Variants in CDH13 observed in about 807,000 individuals in gnomAD.
CDH13 encodes cadherin 13, also known as cadherin-13.
A neutral mutation model predicts 63.8 loss-of-function variants in CDH13; 24 were observed. The observed-to-expected ratio is 0.38, with a 90% CI of 0.27 to 0.53. The LOEUF is 0.53. Among genes scored for constraint, CDH13 ranks in the 20% least tolerant of loss-of-function variants. The pLI, the probability that CDH13 is intolerant of heterozygous loss-of-function variation, is 0.85. For missense variants in CDH13, 1,049 were observed against 903.1 expected, an observed-to-expected ratio of 1.16 and a Z score of -2.07; for synonymous variants, 503 against 355.3, an observed-to-expected ratio of 1.42 and a Z score of -4.67.
At chr16:82,946,650 G>T (rs189529479) in intron 2 of CDH13, among the ~76,000 whole-genome samples, 1 of 152,066 alleles carries the variant, frequency 6.6e-6, no homozygotes, top group Non-Finnish European at 1.5e-5. Context: ...GAAACCAGGA[G>T]GTGGAGGTTG....
chr16:83,568,706 T>C (rs917896752), intron 7 of CDH13, among the ~76,000 whole-genome samples: 7 of 152,198 alleles, frequency 4.6e-5, no homozygotes, highest in Non-Finnish European at 1.0e-4. Context: ...TGCTAACATC[T>C]GCAACGTCTG....
chr16:82,648,444 G>C (rs1018646644), intron 1 of CDH13, among the ~76,000 whole-genome samples: 1 of 152,152 alleles, frequency 6.6e-6, no homozygotes, highest in African/African-American at 2.4e-5. Flanking sequence ...AAACAGGTTA[G>C]GCAGCTCAAT....
chr16:83,257,264 G>A (rs1414133128), intron 5 of CDH13, among the ~76,000 whole-genome samples: 1 of 152,148 alleles, frequency 6.6e-6, no homozygotes, highest in Non-Finnish European at 1.5e-5. Context: ...GCGACGGTGA[G>A]CTTGAAAGGT....
At chr16:83,397,985 G>A (rs1210098691) in intron 6 of CDH13, 1 of 135,706 alleles carries the variant, frequency 7.4e-6, no homozygotes, top group African/African-American at 2.8e-5. Context: ...CTATTTGCAG[G>A]TGCAGGGGAG....
At chr16:82,808,716 T>G (rs1043414980) in intron 1 of CDH13, among the ~76,000 whole-genome samples, 1 of 152,192 alleles carries the variant, frequency 6.6e-6, no homozygotes. Context: ...TTATACAAGA[T>G]AAAGATGTTT....
At chr16:83,458,056 G>T (rs938977011) in intron 6 of CDH13, among the ~76,000 whole-genome samples, 1 of 152,166 alleles carries the variant, frequency 6.6e-6, no homozygotes, top group East Asian at 1.9e-4. Flanking sequence ...TGCACCAGAG[G>T]TAGGAACTCA....
Position 83,588,402 on chromosome 16 carries a change from C to G in CDH13, c.961-14052C>G, listed in dbSNP as rs183650466. ...GATTTACTCATTCATTGAACATTTACTGAGAGTGACTGAGAGTGAACTAGT... is the reference window on the plus strand; with the variant it reads ...GATTTACTCATTCATTGAACATTTAGTGAGAGTGACTGAGAGTGAACTAGT... On this transcript the variant is annotated intron_variant, in intron 7 of 13. Transcript: ENST00000567109. Among the ~76,000 whole-genome samples the G allele has an allele frequency of 1.4e-4, 21 of 152,310 alleles. No individual in the cohort carries two copies. In the East Asian group the frequency reaches 3.7e-3, roughly 27 times the overall value.
intron 2 of CDH13, among the ~76,000 whole-genome samples, chr16:82,967,726 G>A (rs949754476): frequency 6.6e-6 from 1 of 152,238 alleles, no homozygotes; most frequent in East Asian, 1.9e-4. Flanking sequence ...CCTCATGGCA[G>A]TATTGTGTCC....
intron 1 of CDH13, among the ~76,000 whole-genome samples, chr16:82,776,258 G>GGAGGGAGGA (rs2035491788): frequency 6.7e-6 from 1 of 149,126 alleles, no homozygotes. Context: ...AGGGAGGGAG[G>GGAGGGAGGA]GAGGGAGGAG....
intron 2 of CDH13, among the ~76,000 whole-genome samples, chr16:82,871,833 A>T (rs937057336): frequency 3.3e-5 from 5 of 152,274 alleles, no homozygotes; most frequent in African/African-American, 1.2e-4. Flanking sequence ...CTTCACTCTC[A>T]GAGGGTTTCC....
intron 6 of CDH13, among the ~76,000 whole-genome samples, chr16:83,394,953 G>A (rs11859803): frequency 0.27 from 41,363 of 151,760 alleles, 6,000 homozygotes; most frequent in Middle Eastern, 0.35. Context: ...TTTGAAACCA[G>A]CCTGGCCAAC....
chr16:83,557,264 A>G (rs746076325), intron 7 of CDH13, among the ~76,000 whole-genome samples: 4 of 152,224 alleles, frequency 2.6e-5, no homozygotes, highest in Non-Finnish European at 4.4e-5. Flanking sequence ...AAACAAGCTC[A>G]GGACTCCCAC....
At chr16:83,089,269 G>C (rs191815285) in intron 3 of CDH13, among the ~76,000 whole-genome samples, 13 of 152,288 alleles carry the variant, frequency 8.5e-5, no homozygotes, top group South Asian at 6.2e-4. Flanking sequence ...GATCATTAGC[G>C]TATAGACTTT....
At chr16:83,248,716 T>A (rs1160954243) in intron 5 of CDH13, among the ~76,000 whole-genome samples, 1 of 152,136 alleles carries the variant, frequency 6.6e-6, no homozygotes, top group Non-Finnish European at 1.5e-5. Flanking sequence ...CTTCTCCAAG[T>A]TCCTTCCCTA....
At chr16:82,824,132 TGAGTAG>T (rs2038131146) in intron 1 of CDH13, 1 of 152,202 alleles carries the variant, frequency 6.6e-6, no homozygotes, top group African/African-American at 2.4e-5. Flanking sequence ...GAAGCCAGTA[TGAGTAG>T]CTCAAAGATG....
intron 6 of CDH13, among the ~76,000 whole-genome samples, chr16:83,347,026 T>C (rs1278204905): frequency 6.6e-6 from 1 of 152,144 alleles, no homozygotes; most frequent in Non-Finnish European, 1.5e-5. Context: ...ATAGAATCAG[T>C]CAGATTTGGG....
At chr16:83,682,487 G>A (rs1026819847) in intron 10 of CDH13, among the ~76,000 whole-genome samples, 1 of 152,164 alleles carries the variant, frequency 6.6e-6, no homozygotes, top group Non-Finnish European at 1.5e-5. Context: ...ATTAAAATGT[G>A]CATGTTCTGT....
chr16:83,416,011 C>A (rs907393633), intron 6 of CDH13, among the ~76,000 whole-genome samples: 7 of 152,040 alleles, frequency 4.6e-5, no homozygotes, highest in Admixed American at 4.6e-4. Flanking sequence ...CTGAAGAACC[C>A]ATTAAAAACT....
chr16:83,070,389 G>C (rs535764238), intron 3 of CDH13, among the ~76,000 whole-genome samples: 1 of 152,044 alleles, frequency 6.6e-6, no homozygotes, highest in Non-Finnish European at 1.5e-5. Context: ...ACAAAAATTG[G>C]AACTTTCCCT....
Sources: gnomAD v4.1 joint callset for allele counts (sites outside exome capture counted in the v4.1 genomes callset) on GRCh38, gnomAD v4.1.1 for gene constraint, MANE v1.5 for transcripts, NCBI Gene and HGNC (gene_info 2026-07-23, HGNC 2026-07-21) for gene names.